COL5A2: variants seen among roughly 807,000 people sequenced by gnomAD.
COL5A2 encodes the protein collagen alpha-2(V) chain.
A neutral mutation model predicts 208.2 loss-of-function variants in COL5A2; 23 were observed. The ratio of observed to expected loss-of-function variants is 0.11; its 90% CI spans 0.08 to 0.16. The LOEUF is 0.16. COL5A2 is among the 10% of genes least tolerant of loss of function. COL5A2 has a pLI of 1.00. For missense variants in COL5A2, 1,590 were observed against 1,956.4 expected (o/e 0.81, Z 3.53); for synonymous variants, 625 against 628.5 (o/e 0.99, Z 0.08).
intron 4 of COL5A2, among the ~76,000 whole-genome samples, chr2:189,098,960 G>A (rs576218407): frequency 7.9e-5 from 12 of 152,248 alleles, no homozygotes; most frequent in East Asian, 3.9e-4. Flanking sequence ...CAGTGCTGGC[G>A]TAATGATAAA....
intron 1 of COL5A2, among the ~76,000 whole-genome samples, chr2:189,147,219 T>C (rs549435485): frequency 2.0e-5 from 3 of 152,302 alleles, no homozygotes; most frequent in East Asian, 3.9e-4. Flanking sequence ...CATTGTTATA[T>C]TTGACACAGA....
intron 17 of COL5A2, among the ~76,000 whole-genome samples, chr2:189,072,947 C>G (rs1686310254): frequency 6.6e-6 from 1 of 152,004 alleles, no homozygotes; most frequent in South Asian, 2.1e-4. Context: ...ACAGATTACT[C>G]TAACTCTAAG....
chr2:189,361,232 T>C, the COL5A2 span, among the ~76,000 whole-genome samples: 1 of 152,144 alleles, frequency 6.6e-6, no homozygotes, highest in African/African-American at 2.4e-5. Flanking sequence ...ATTACTGTGT[T>C]GCAGTCAATC....
the COL5A2 span, among the ~76,000 whole-genome samples, chr2:189,271,378 G>C: frequency 2.6e-5 from 4 of 152,056 alleles, no homozygotes; most frequent in Admixed American, 2.6e-4. Context: ...TCTGACCTTT[G>C]ACAAACCTGA....
the COL5A2 span, among the ~76,000 whole-genome samples, chr2:189,264,969 A>T: frequency 6.6e-6 from 1 of 152,168 alleles, no homozygotes; most frequent in Non-Finnish European, 1.5e-5. Context: ...GTATCGAGGA[A>T]TATGTAAGAT....
rs116226024 is a variant in COL5A2, at chr2:189,084,874, T to C, written c.798+286A>G. Among the ~76,000 whole-genome samples the C allele has an allele frequency of 0.017, 2,645 of 152,292 alleles. 64 individuals carry two copies. Among genetic ancestry groups the C allele is most frequent in the African/African-American group, 0.061 (2,527 of 41,538 alleles). ...ATTTCAGTGGTTCCACTAGGAAAAG[T>C]TGTTGCTACTGTGACAACAAGCCTA... On this transcript the variant is annotated intron_variant, in intron 11 of 53. Coordinates refer to ENST00000374866, the MANE Select transcript of COL5A2 (RefSeq NM_000393.5).
At chr2:189,133,134 T>G (rs955315057) in intron 1 of COL5A2, 4 of 139,602 alleles carry the variant, frequency 2.9e-5, no homozygotes, top group African/African-American at 1.1e-4. Context: ...TTTTTTTTTT[T>G]TTTTTGAGAC....
the COL5A2 span, among the ~76,000 whole-genome samples, chr2:189,374,891 G>A: frequency 6.6e-6 from 1 of 152,066 alleles, no homozygotes; most frequent in Non-Finnish European, 1.5e-5. Context: ...AAACAAAGAA[G>A]AATGAAGCAC....
At chr2:189,184,525 T>G (rs1688822560), upstream of COL5A2, among the ~76,000 whole-genome samples, 1 of 152,196 alleles carries the variant, frequency 6.6e-6, no homozygotes, top group Non-Finnish European at 1.5e-5. Context: ...ATTTCCTTGT[T>G]TTTTGAACTT....
chr2:189,376,072 G>C, the COL5A2 span, among the ~76,000 whole-genome samples: 2 of 152,102 alleles, frequency 1.3e-5, no homozygotes, highest in Non-Finnish European at 2.9e-5. Context: ...GTGGCCTCAG[G>C]AAAATATGAC....
chr2:189,053,908 G>A lies in COL5A2; in HGVS notation c.2486C>T (p.Ser829Phe), dbSNP rs771633594. 4 of 1,613,786 alleles carry A rather than the reference G, an allele frequency of 2.5e-6. No homozygotes were observed. Among genetic ancestry groups the A allele is most frequent in the Non-Finnish European group, 3.4e-6 (4 of 1,179,904 alleles). Residue 829 changes from serine (S) to phenylalanine (F), a missense_variant, in exon 37 of 54, where the codon TCC becomes TTC. Ser to Phe is a radical substitution (Grantham distance 155). Coordinates refer to ENST00000374866, the MANE Select transcript of COL5A2 (RefSeq NM_000393.5). ...ACTGTCACTTACAGGATTGCCCCGG[G>A]AGCCAGGAGGGCCAACTAAACCTCG... ...GPRGLVGPPG[S>F]RGNPGSRGEN...
the COL5A2 span, among the ~76,000 whole-genome samples, chr2:189,344,564 A>C: frequency 6.6e-6 from 1 of 152,190 alleles, no homozygotes; most frequent in African/African-American, 2.4e-5. Context: ...TGCAGCAACA[A>C]GCAAGTCCCA....
At chr2:189,045,669 T>C in intron 46 of COL5A2, 131 bp downstream of exon 46, 1 of 765,442 alleles carries the variant, frequency 1.3e-6, no homozygotes. Context: ...CATAATTAGC[T>C]GTTTACCATT....
chr2:189,191,757 T>C (rs1688933962), intron 1 of COL5A2, among the ~76,000 whole-genome samples: 2 of 152,178 alleles, frequency 1.3e-5, no homozygotes, highest in African/African-American at 4.8e-5. Flanking sequence ...ATATTTATCA[T>C]TATACTTCAG....
At chr2:189,170,726 G>A (rs1559135300) in intron 1 of COL5A2, among the ~76,000 whole-genome samples, 1 of 151,904 alleles carries the variant, frequency 6.6e-6, no homozygotes, top group South Asian at 2.1e-4. Context: ...AAGGCAGCTG[G>A]ATACTCTTGG....
At chr2:189,210,211 G>A (rs934981075) in intron 1 of COL5A2, among the ~76,000 whole-genome samples, 2 of 151,710 alleles carry the variant, frequency 1.3e-5, no homozygotes, top group African/African-American at 4.8e-5. Context: ...TTCTTTTTTG[G>A]AGGAAACAAA....
the COL5A2 span, among the ~76,000 whole-genome samples, chr2:189,333,738 C>A: frequency 1.3e-5 from 2 of 151,972 alleles, no homozygotes; most frequent in Non-Finnish European, 1.5e-5. Flanking sequence ...AGAAAGAGAA[C>A]TCACCAATCT....
intron 1 of COL5A2, 148 bp from the exon 2 acceptor site, chr2:189,110,597 A>G (rs550754225): frequency 3.0e-6 from 2 of 673,966 alleles, no homozygotes; most frequent in Non-Finnish European, 5.2e-6. Flanking sequence ...ATTTCATTTC[A>G]TAACAAAATA....
the COL5A2 span, among the ~76,000 whole-genome samples, chr2:189,381,520 T>C: frequency 6.6e-6 from 1 of 152,034 alleles, no homozygotes; most frequent in Non-Finnish European, 1.5e-5. Flanking sequence ...GGAAGATACT[T>C]TGTTCTCTTG....
Sources: gnomAD v4.1 joint callset for allele counts (sites outside exome capture counted in the v4.1 genomes callset) on GRCh38, gnomAD v4.1.1 for gene constraint, MANE v1.5 for transcripts, NCBI Gene and HGNC (gene_info 2026-07-23, HGNC 2026-07-21) for gene names.